Variants in ADAM10 observed in about 807,000 individuals in gnomAD.
The protein encoded by ADAM10 is disintegrin and metalloproteinase domain-containing protein 10.
A neutral mutation model predicts 90.1 loss-of-function variants in ADAM10; 17 were observed. That is an observed-to-expected ratio of 0.19 (90% CI 0.13 to 0.28). The LOEUF (loss-of-function observed/expected upper bound fraction) is 0.28, where lower values mean the gene tolerates loss of function less well. ADAM10 is among the 10% of genes least tolerant of loss of function. The pLI is 1.00. For missense variants in ADAM10, 610 were observed against 914.3 expected, an observed-to-expected ratio of 0.67 and a Z score of 4.29; for synonymous variants, 310 against 298.6, an observed-to-expected ratio of 1.04 and a Z score of -0.40.
At chr15:58,636,038 T>G (rs933291198) in intron 8 of ADAM10, among the ~76,000 whole-genome samples, 1 of 152,110 alleles carries the variant, frequency 6.6e-6, no homozygotes, top group Non-Finnish European at 1.5e-5. Context: ...ACACTTTGGG[T>G]GGCGGCGGCA....
chr15:58,710,397 T>C (rs754594812), intron 2 of ADAM10, among the ~76,000 whole-genome samples: 6 of 152,244 alleles, frequency 3.9e-5, no homozygotes, highest in Non-Finnish European at 8.8e-5. Context: ...TTACTTTTAG[T>C]CATACAAAAA....
At chr15:58,639,896 TA>T (rs34793995) in intron 8 of ADAM10, among the ~76,000 whole-genome samples, 124 of 148,974 alleles carry the variant, frequency 8.3e-4, no homozygotes, top group African/African-American at 1.3e-3. Flanking sequence ...AAGTTTTTTT[TA>T]AAAAAAAAAA....
intron 2 of ADAM10, among the ~76,000 whole-genome samples, chr15:58,686,858 C>A (rs1347881681): frequency 6.6e-6 from 1 of 152,108 alleles, no homozygotes; most frequent in African/African-American, 2.4e-5. Flanking sequence ...TACTTTTATA[C>A]ATAAGATAAA....
chr15:58,749,409 TG>T, intron 1 of ADAM10, 70 bp downstream of exon 1: 1 of 1,413,504 alleles, frequency 7.1e-7, no homozygotes, highest in Non-Finnish European at 9.3e-7. Context: ...GAGGCGCGAC[TG>T]GGCTCCGCTC....
intron 13 of ADAM10, chr15:58,610,757 G>C (rs899069234): frequency 1.6e-6 from 1 of 636,408 alleles, no homozygotes; most frequent in Admixed American, 2.6e-5. Flanking sequence ...AAGTCTAACA[G>C]TGTTTATGTA....
intron 2 of ADAM10, among the ~76,000 whole-genome samples, chr15:58,689,509 T>C (rs1897715057): frequency 6.6e-6 from 1 of 151,852 alleles, no homozygotes; most frequent in African/African-American, 2.4e-5. Flanking sequence ...ATAATAATAA[T>C]GCAAGCTAGA....
rs1382657704 is a variant in ADAM10 at position 58,729,972 on chromosome 15, AAC to A, written c.56-12247_56-12246del. Among the ~76,000 whole-genome samples the A allele has an allele frequency of 1.9e-4, 26 of 138,512 alleles. 2 individuals carry two copies. In the South Asian group the frequency reaches 6.5e-3, roughly 35 times the overall value. 90.9% of individuals were successfully genotyped at this position (138,512 alleles called of 152,430 possible). On this transcript the variant is annotated intron_variant, in intron 1 of 15. Coordinates refer to ENST00000260408, the MANE Select transcript of ADAM10 (RefSeq NM_001110.4). The stretch of plus-strand genomic sequence containing the variant: ...ACGAGGCTCTGTAAAAAAAAACAAA[AAC>A]AAAAACAAAAACAAAACAAACAAAC...
intron 2 of ADAM10, among the ~76,000 whole-genome samples, chr15:58,704,626 G>A (rs576218804): frequency 6.6e-6 from 1 of 152,260 alleles, no homozygotes; most frequent in Non-Finnish European, 1.5e-5. Flanking sequence ...GTGTGGCCAT[G>A]TTTCATAATG....
chr15:58,683,947 T>C (rs935919824), intron 2 of ADAM10, among the ~76,000 whole-genome samples: 4 of 150,086 alleles, frequency 2.7e-5, no homozygotes, highest in Admixed American at 2.0e-4. Context: ...CCCCCAAGGA[T>C]ACCAAAATCT....
rs1232292076 is a variant in ADAM10 at position 58,595,834 on chromosome 15, C to G, written c.*1713G>C. ...TTCCAACCTTTGCACAGTCCAAAAA[C>G]AAAGGCATTTAAATGATTTAAAAGC... On this transcript the variant is annotated 3_prime_UTR_variant, in exon 16 of 16. Transcript: ENST00000260408. 6.6e-6 allele frequency: 1 copy of G among 152,052 alleles called. No homozygotes were observed. Among genetic ancestry groups the G allele is most frequent in the East Asian group, 1.9e-4 (1 of 5,196 alleles). The allele number at this position is 152,052 out of a possible 1,614,324, so 9.4% of individuals were successfully genotyped here. A position where few individuals can be genotyped will look rare whatever the true frequency, so the allele number is the denominator to read the frequency against.
At chr15:58,660,920 G>A (rs764767257) in intron 5 of ADAM10, among the ~76,000 whole-genome samples, 10 of 152,210 alleles carry the variant, frequency 6.6e-5, no homozygotes, top group Non-Finnish European at 1.0e-4. Context: ...TCAATGAATA[G>A]GTGTGGCTGT....
intron 14 of ADAM10, among the ~76,000 whole-genome samples, chr15:58,600,193 A>T (rs1433191962): frequency 6.6e-6 from 1 of 152,196 alleles, no homozygotes; most frequent in African/African-American, 2.4e-5. Context: ...CTCACATATG[A>T]GTGTGCAAAC....
At chr15:58,652,798 T>C (rs1432055552) in intron 5 of ADAM10, among the ~76,000 whole-genome samples, 3 of 139,626 alleles carry the variant, frequency 2.1e-5, no homozygotes, top group East Asian at 2.1e-4. Flanking sequence ...TTGGTAGCAA[T>C]TGCATTGCCT....
chr15:58,650,060 T>C (rs1332990329), intron 5 of ADAM10, among the ~76,000 whole-genome samples: 5 of 152,190 alleles, frequency 3.3e-5, no homozygotes, highest in African/African-American at 1.2e-4. Context: ...CATTTGTCAA[T>C]TCTAAATTTC....
At chr15:58,727,176 CTTTTTTTT>C (rs779017607) in intron 1 of ADAM10, among the ~76,000 whole-genome samples, 27 of 78,018 alleles carry the variant, frequency 3.5e-4, no homozygotes, top group East Asian at 4.3e-4. Flanking sequence ...CCTGACTAAT[CTTTTTTTT>C]TTTTTTTTTT....
chr15:58,730,278 A>G (rs781015706), intron 1 of ADAM10, among the ~76,000 whole-genome samples: 3 of 152,338 alleles, frequency 2.0e-5, no homozygotes, highest in Middle Eastern at 6.8e-3. Flanking sequence ...CTGAGTAGAA[A>G]AAGTTTCCAA....
intron 4 of ADAM10, among the ~76,000 whole-genome samples, chr15:58,675,111 T>C (rs1381041090): frequency 6.6e-6 from 1 of 152,142 alleles, no homozygotes; most frequent in Non-Finnish European, 1.5e-5. Flanking sequence ...GGCAGGAGAA[T>C]CACCTGAACC....
At chr15:58,691,965 C>A in intron 2 of ADAM10, 1 of 425,982 alleles carries the variant, frequency 2.3e-6, no homozygotes, top group South Asian at 1.7e-5. Flanking sequence ...CGTGAGCCAC[C>A]ATGCCCAGCC....
intron 8 of ADAM10, among the ~76,000 whole-genome samples, chr15:58,638,483 C>G (rs534328472): frequency 5.3e-5 from 8 of 151,802 alleles, no homozygotes; most frequent in African/African-American, 1.9e-4. Flanking sequence ...CGCATGGTGG[C>G]GGGCGCCTGT....
Sources: allele counts gnomAD v4.1 joint callset (sites outside exome capture counted in the v4.1 genomes callset), GRCh38; gene constraint gnomAD v4.1.1; transcripts MANE v1.5; gene names NCBI Gene and HGNC (gene_info 2026-07-23, HGNC 2026-07-21).